HYAL1: variants seen among roughly 807,000 people sequenced by gnomAD.
HYAL1 encodes the protein hyaluronidase 1, also known as hyaluronidase-1.
A neutral mutation model predicts 28.8 loss-of-function variants in HYAL1; 21 were observed. That is an observed-to-expected ratio of 0.73 (90% CI 0.52 to 1.05). The LOEUF (loss-of-function observed/expected upper bound fraction) is 1.05, where lower values mean the gene tolerates loss of function less well. Ranked by LOEUF, HYAL1 falls within the 50% of genes least tolerant of loss-of-function variation. The pLI, the probability that HYAL1 is intolerant of heterozygous loss-of-function variation, is 0.00. For missense variants in HYAL1, 491 were observed against 579.2 expected, an observed-to-expected ratio of 0.85 and a Z score of 1.56; for synonymous variants, 200 against 230.1, an observed-to-expected ratio of 0.87 and a Z score of 1.18.
chr3:50,301,047 C>T lies in HYAL1; in HGVS notation c.931G>A (p.Ala311Thr), dbSNP rs782551284. Reference protein sequence around the residue: ...DELEHSLGESAAQGAAGVVLW... With the variant: ...DELEHSLGESTAQGAAGVVLW... ...ACCACTCCAGCTGCCCCCTGGGCCGCACTCTCCCCCAGGCTGTGCTCCAGC... is the reference window on the plus strand; with the variant it reads ...ACCACTCCAGCTGCCCCCTGGGCCGTACTCTCCCCCAGGCTGTGCTCCAGC... The change falls in exon 3 of 4, where the codon GCG becomes ACG. Residue 311 changes from alanine (A) to threonine (T), a missense_variant. By Grantham distance (58) the Ala-to-Thr change is moderately conservative. Transcript: ENST00000395144. The T allele has an allele frequency of 3.1e-6, 5 of 1,613,160 alleles. No homozygotes were observed. The South Asian group carries it at 4.4e-5, about 14-fold the overall frequency.
At chr3:50,300,966 C>T (rs1553712702) in intron 3 of HYAL1, 22 bp downstream of exon 3, 3 of 710,164 alleles carry the variant, frequency 4.2e-6, no homozygotes, top group Non-Finnish European at 7.2e-6. Context: ...CACCCCCACC[C>T]TCATGCCAGG....
At chr3:50,304,216 A>C (rs1235570213), upstream of HYAL1, 1 of 138,664 alleles carries the variant, frequency 7.2e-6, no homozygotes, top group Non-Finnish European at 1.5e-5. Flanking sequence ...GCAGTGAGCC[A>C]AGACTGCTCC....
In HYAL1 at chr3:50,303,509, G is replaced by C. The variant is rs587610091; in HGVS notation, c.-68C>G. 1 of 152,592 alleles carries C rather than the reference G, an allele frequency of 6.6e-6. No individual in the cohort carries two copies. Among genetic ancestry groups the C allele is most frequent in the Non-Finnish European group, 1.5e-5 (1 of 68,334 alleles). 9.5% of individuals were successfully genotyped at this position (152,592 alleles called of 1,614,324 possible). A position where few individuals can be genotyped will look rare whatever the true frequency, so the allele number is the denominator to read the frequency against. The stretch of plus-strand genomic sequence containing the variant: ...TATCCTCCAAATTTCCTGACCCCAG[G>C]ATGGGGGCCTAAGCAGGGCCTGGCC... On this transcript the variant is annotated 5_prime_UTR_variant, in exon 1 of 4. In the 5' UTR this introduces an upstream ATG that the reference lacks. Coordinates refer to ENST00000395144, the MANE Select transcript of HYAL1 (RefSeq NM_033159.4).
At chr3:50,310,149 T>G (rs1702417127) in intron 1 of HYAL1, among the ~76,000 whole-genome samples, 1 of 151,488 alleles carries the variant, frequency 6.6e-6, no homozygotes, top group African/African-American at 2.5e-5. Flanking sequence ...TTTTTATGAT[T>G]TTCTACAGTT....
At chr3:50,311,575 A>AT (rs1702457091) in intron 1 of HYAL1, among the ~76,000 whole-genome samples, 1 of 103,676 alleles carries the variant, frequency 9.6e-6, no homozygotes, top group Non-Finnish European at 1.9e-5. Flanking sequence ...CGGGGGGCTG[A>AT]CCCCCCCACC....
chr3:50,302,039 A>G lies in HYAL1; in HGVS notation c.900+18T>C. Reference sequence around the variant, plus strand: ...GACAAGGCAGGTTGACAAGGTGGGCAGGTTACAGAAGACTCACCAGGGGCA... The same window carrying G: ...GACAAGGCAGGTTGACAAGGTGGGCGGGTTACAGAAGACTCACCAGGGGCA... On this transcript the variant is annotated intron_variant, in intron 2 of 3. Transcript: ENST00000395144. This position sits in a 1 kb window ranked among gnomAD's most constrained non-coding sequence, Gnocchi z 5.0. 2 of 1,613,778 alleles carry G rather than the reference A, an allele frequency of 1.2e-6. No individual in the cohort carries two copies. The highest frequency in any genetic ancestry group is 8.5e-7 in the Non-Finnish European group (1 of 1,179,668).
chr3:50,311,584 C>G (rs1553714824), intron 1 of HYAL1, among the ~76,000 whole-genome samples: 1 of 139,850 alleles, frequency 7.2e-6, no homozygotes, highest in Non-Finnish European at 1.6e-5. Context: ...GACCCCCCCA[C>G]CTCCCTCCCG....
At position 50,302,360 on chromosome 3, in the gene HYAL1, C is replaced by T. The variant is rs1553713167; in HGVS notation, c.597G>A (p.Trp199Ter). The T allele has an allele frequency of 1.2e-6, 2 of 1,613,796 alleles. No individual in the cohort carries two copies. The highest frequency in any genetic ancestry group is 1.7e-6 in the Non-Finnish European group (2 of 1,179,994). ...LGRALRPRGL[W>*]GFYGFPDCYN... ...AGCAGTCAGGGAAGCCATAGAAGCC[C>T]CAGAGGCCGCGAGGACGCAGTGCCC... The change falls in exon 2 of 4, where the codon TGG (tryptophan) becomes TGA (stop). Residue 199 changes from tryptophan to a stop codon, truncating the protein, a stop_gained. Transcript: ENST00000395144. LOFTEE classifies it high-confidence loss of function. The surrounding 1 kb of genome is among the most constrained non-coding windows in gnomAD (Gnocchi z 5.0).
Position 50,300,139 on chromosome 3 carries a change from C to T in HYAL1, c.*344G>A. 1 of 362,970 alleles carries T rather than the reference C, an allele frequency of 2.8e-6. No homozygotes were observed. The highest frequency in any genetic ancestry group is 6.2e-5 in the East Asian group (1 of 16,188). 22.5% of individuals were successfully genotyped at this position (362,970 alleles called of 1,614,324 possible). A position where few individuals can be genotyped will look rare whatever the true frequency, so the allele number is the denominator to read the frequency against. The stretch of plus-strand genomic sequence containing the variant: ...GGAATGAATAAGTCCACATAAAACG[C>T]TTAGCACGGGGATTGGCAAAGAGTA... On this transcript the variant is annotated 3_prime_UTR_variant, in exon 4 of 4. Coordinates refer to ENST00000395144, the MANE Select transcript of HYAL1 (RefSeq NM_033159.4).
intron 1 of HYAL1, chr3:50,303,218 T>G: frequency 2.5e-6 from 1 of 407,568 alleles, no homozygotes; most frequent in Non-Finnish European, 4.4e-6. Flanking sequence ...GGACTTGCTC[T>G]AGCCTAAGCT....
At chr3:50,310,991 C>G (rs1339452661) in intron 1 of HYAL1, among the ~76,000 whole-genome samples, 2 of 152,142 alleles carry the variant, frequency 1.3e-5, no homozygotes, top group Admixed American at 1.3e-4. Flanking sequence ...AAGTCTCCCA[C>G]GTCTACATCT....
upstream of HYAL1, among the ~76,000 whole-genome samples, chr3:50,307,401 CCGGACGCAGTG>C (rs1553714121): frequency 2.7e-5 from 4 of 149,040 alleles, no homozygotes; most frequent in Non-Finnish European, 4.4e-5. Flanking sequence ...CAAAATAGGG[CCGGACGCAGTG>C]GCTCACGCTT....
rs374011925 is a variant in HYAL1 at position 50,300,535 on chromosome 3, C to T, written c.1256G>A (p.Arg419Gln). The T allele has an allele frequency of 5.0e-5, 80 of 1,614,112 alleles. No homozygotes were observed. Among genetic ancestry groups the T allele is most frequent in the Middle Eastern group, 1.6e-4 (1 of 6,084 alleles). ...QAQMAVEFKCRCYPGWQAPWC... is the reference protein window; with the variant it reads ...QAQMAVEFKCQCYPGWQAPWC... ...CGGTGCCTGCCAGCCAGGGTAGCAT[C>T]GACATTTGAACTCCACAGCCATCTG... Residue 419 changes from arginine to glutamine, a missense_variant, in exon 4 of 4, where the codon CGA (arginine) becomes CAA (glutamine). Arg to Gln is a conservative substitution (Grantham distance 43). Coordinates refer to ENST00000395144, the MANE Select transcript of HYAL1 (RefSeq NM_033159.4).
upstream of HYAL1, among the ~76,000 whole-genome samples, chr3:50,304,274 C>CAAAAAAAAA (rs1156334129): frequency 0.019 from 56 of 2,890 alleles, 20 homozygotes; most frequent in Non-Finnish European, 0.059. Context: ...GACTCCATCT[C>CAAAAAAAAA]AAAAAAAAAA....
At chr3:50,306,840 C>T (rs1277900345), upstream of HYAL1, among the ~76,000 whole-genome samples, 2 of 150,130 alleles carry the variant, frequency 1.3e-5, no homozygotes, top group African/African-American at 5.0e-5. Context: ...GAGCCGAGAT[C>T]ATGCTACTGT....
upstream of HYAL1, among the ~76,000 whole-genome samples, chr3:50,306,793 G>A (rs1183310129): frequency 2.7e-5 from 4 of 150,812 alleles, 1 homozygote; most frequent in African/African-American, 5.0e-5. Context: ...GGCTGAGGCA[G>A]GAGAATTGCT....
chr3:50,305,814 T>G (rs587726380), upstream of HYAL1, among the ~76,000 whole-genome samples: 4 of 151,158 alleles, frequency 2.6e-5, no homozygotes, highest in South Asian at 2.1e-4. Flanking sequence ...GATTACAGGC[T>G]TGAGCCACCA....
upstream of HYAL1, among the ~76,000 whole-genome samples, chr3:50,305,481 G>A (rs1371460284): frequency 1.3e-5 from 2 of 151,520 alleles, no homozygotes; most frequent in Admixed American, 1.3e-4. Context: ...CTGACCTTGT[G>A]ATCTGCCTGC....
upstream of HYAL1, among the ~76,000 whole-genome samples, chr3:50,306,293 G>A (rs1181372667): frequency 3.6e-5 from 5 of 138,212 alleles, no homozygotes; most frequent in Admixed American, 8.3e-5. Context: ...CTTCCATGAC[G>A]ATGGAAGGCA....
Sources: gnomAD v4.1 joint callset for allele counts (sites outside exome capture counted in the v4.1 genomes callset) on GRCh38, gnomAD v4.1.1 for gene constraint, Gnocchi (gnomAD v3.1) non-coding constraint, MANE v1.5 for transcripts, NCBI Gene and HGNC (gene_info 2026-07-23, HGNC 2026-07-21) for gene names.